The following EXO1 variants were observed in gnomAD, a reference collection of about 807,000 sequenced individuals.
The protein encoded by EXO1 is exonuclease 1.
In EXO1, 69 loss-of-function variants were observed where a neutral mutation model predicts 84.5. The observed-to-expected ratio is 0.82, with a 90% confidence interval of 0.67 to 1.00. The LOEUF (loss-of-function observed/expected upper bound fraction) is 1.00, where lower values mean the gene tolerates loss of function less well. EXO1 is among the 50% of genes least tolerant of loss of function. The probability of loss-of-function intolerance (pLI) is 0.00; values close to 1 mark genes in which losing one functional copy is unlikely to be tolerated. For synonymous variants in EXO1, 373 were observed against 366.1 expected (o/e 1.02, Z -0.21); for missense variants, 1,045 against 1,000.7 (o/e 1.04, Z -0.60).
chr1:241,859,556 GT>G (rs1205823433), intron 8 of EXO1, among the ~76,000 whole-genome samples: 1 of 152,102 alleles, frequency 6.6e-6, no homozygotes, highest in African/African-American at 2.4e-5. Flanking sequence ...GTGTGGAAAC[GT>G]AAATGGATTT....
rs201945456 is a variant in EXO1, at chr1:241,886,428, T to TA, written c.2405+925dup. The stretch of plus-strand genomic sequence containing the variant: ...TCAATAAAAGAAATGTGCTGTTTAA[T>TA]AAAAGTTTTTTTTAATTATATGGAA... On this transcript the variant is annotated intron_variant, in intron 15 of 15. Coordinates refer to ENST00000366548, the MANE Select transcript of EXO1 (RefSeq NM_130398.4). Among the ~76,000 whole-genome samples, 1,041 of 152,354 alleles carry TA rather than the reference T, an allele frequency of 6.8e-3. 10 individuals carry two copies. The highest frequency in any genetic ancestry group is 0.034 in the Middle Eastern group (10 of 294).
chr1:241,855,330 C>T (rs1660924422), intron 6 of EXO1, among the ~76,000 whole-genome samples: 1 of 152,188 alleles, frequency 6.6e-6, no homozygotes, highest in Non-Finnish European at 1.5e-5. Context: ...TCCAAGGCCC[C>T]ACCAGAGCAG....
intron 12 of EXO1, among the ~76,000 whole-genome samples, chr1:241,875,240 G>A (rs1052025682): frequency 6.6e-6 from 1 of 152,008 alleles, no homozygotes; most frequent in Non-Finnish European, 1.5e-5. Flanking sequence ...CTGACCTCAA[G>A]TGGTCCATAC....
intron 6 of EXO1, among the ~76,000 whole-genome samples, chr1:241,853,775 C>T (rs879927869): frequency 4.6e-5 from 7 of 151,998 alleles, no homozygotes; most frequent in Non-Finnish European, 7.4e-5. Flanking sequence ...CAGTTTGGGA[C>T]GCTGAGGCAG....
chr1:241,873,058 G>T (rs1202626939), intron 12 of EXO1, among the ~76,000 whole-genome samples: 4 of 150,528 alleles, frequency 2.7e-5, no homozygotes, highest in Admixed American at 6.6e-5. Flanking sequence ...TAACTGACGT[G>T]AGATGGTAAC....
intron 15 of EXO1, among the ~76,000 whole-genome samples, chr1:241,886,174 G>T (rs953438566): frequency 6.6e-6 from 1 of 152,104 alleles, no homozygotes; most frequent in African/African-American, 2.4e-5. Context: ...TTAAAGAAGG[G>T]GTAGAAACAC....
At chr1:241,883,172 C>G (rs181902465) in intron 14 of EXO1, among the ~76,000 whole-genome samples, 25 of 152,206 alleles carry the variant, frequency 1.6e-4, no homozygotes, top group African/African-American at 4.3e-4. Flanking sequence ...AAACTTCTTA[C>G]TTTTTAAAAT....
At chr1:241,856,109 A>G (rs919078906) in intron 6 of EXO1, among the ~76,000 whole-genome samples, 4 of 152,368 alleles carry the variant, frequency 2.6e-5, no homozygotes, top group Non-Finnish European at 4.4e-5. Flanking sequence ...AGGGAGGGCT[A>G]TGAGTACTGC....
chr1:241,869,293 A>C (rs1452801129), intron 11 of EXO1, among the ~76,000 whole-genome samples: 3 of 152,242 alleles, frequency 2.0e-5, no homozygotes, highest in Non-Finnish European at 4.4e-5. Context: ...CAGATGTGCC[A>C]AGACAATTAA....
chr1:241,866,760 T>A (rs1402497693), intron 10 of EXO1, 70 bp from the exon 11 acceptor site: 8 of 1,143,170 alleles, frequency 7.0e-6, no homozygotes, highest in Non-Finnish European at 1.1e-5. Flanking sequence ...TTATAATTTA[T>A]GTTGATACAG....
At chr1:241,857,506 A>G in intron 7 of EXO1, 24 bp downstream of exon 7, 1 of 1,601,246 alleles carries the variant, frequency 6.2e-7, no homozygotes, top group East Asian at 2.2e-5. Flanking sequence ...ACTACTATAT[A>G]TTACTTTTCT....
At chr1:241,885,931 G>A (rs1031995180) in intron 15 of EXO1, among the ~76,000 whole-genome samples, 7 of 149,778 alleles carry the variant, frequency 4.7e-5, no homozygotes, top group South Asian at 4.2e-4. Flanking sequence ...TCCACTCACC[G>A]CAACCTCCGC....
intron 12 of EXO1, among the ~76,000 whole-genome samples, chr1:241,874,489 C>T (rs561136247): frequency 6.8e-4 from 104 of 152,294 alleles, no homozygotes; most frequent in African/African-American, 2.4e-3. Context: ...CCATTCTGAG[C>T]GCCCTGTGAA....
intron 15 of EXO1, 139 bp from the exon 16 acceptor site, chr1:241,889,326 G>A: frequency 1.3e-6 from 1 of 741,730 alleles, no homozygotes; most frequent in South Asian, 1.6e-5. Context: ...ACCTGATTGT[G>A]TTATATAATG....
chr1:241,874,888 G>A (rs1662303612), intron 12 of EXO1, among the ~76,000 whole-genome samples: 1 of 152,238 alleles, frequency 6.6e-6, no homozygotes, highest in Admixed American at 6.5e-5. Context: ...AAATGTAAGT[G>A]TCAGAAGTGA....
chr1:241,853,240 C>G (rs1660765299), intron 5 of EXO1, 118 bp from the exon 6 acceptor site: 2 of 1,056,154 alleles, frequency 1.9e-6, no homozygotes, highest in Admixed American at 3.5e-5. Context: ...TGTGTACTTT[C>G]TAATGAGTCA....
At chr1:241,873,581 G>A (rs1479569802) in intron 12 of EXO1, among the ~76,000 whole-genome samples, 1 of 152,180 alleles carries the variant, frequency 6.6e-6, no homozygotes, top group East Asian at 1.9e-4. Flanking sequence ...GTAGATGACT[G>A]TGGAGCTGTA....
chr1:241,863,991 CTCTTA>C (rs1661556888), intron 10 of EXO1, among the ~76,000 whole-genome samples: 1 of 152,136 alleles, frequency 6.6e-6, no homozygotes, highest in Non-Finnish European at 1.5e-5. Context: ...TAGATGTCAT[CTCTTA>C]TCTTTCTCAG....
In EXO1 at chr1:241,889,692, T is replaced by G; in HGVS notation, c.*92T>G. The G allele has an allele frequency of 8.0e-7, 1 of 1,253,110 alleles. No individual in the cohort carries two copies. The highest frequency in any genetic ancestry group is 1.2e-5 in the South Asian group (1 of 83,386). The allele number at this position is 1,253,110 out of a possible 1,614,324, so 77.6% of individuals were successfully genotyped here. On this transcript the variant is annotated 3_prime_UTR_variant, in exon 16 of 16. Coordinates refer to ENST00000366548, the MANE Select transcript of EXO1 (RefSeq NM_130398.4). Reference sequence around the variant, plus strand: ...TGAGGCACTTATCAGCATGAAGAATTTTTTCTCATTCTGTGCCATTTTAAA... The same window carrying G: ...TGAGGCACTTATCAGCATGAAGAATGTTTTCTCATTCTGTGCCATTTTAAA...
Sources: gnomAD v4.1 joint callset for allele counts (sites outside exome capture counted in the v4.1 genomes callset) on GRCh38, gnomAD v4.1.1 for gene constraint, MANE v1.5 for transcripts, NCBI Gene and HGNC (gene_info 2026-07-23, HGNC 2026-07-21) for gene names.